MBP: variants seen among roughly 807,000 people sequenced by gnomAD.
The protein encoded by MBP is Golli-MBP.
MBP carries 16 observed loss-of-function variants against 35.8 expected under a neutral mutation model. The ratio of observed to expected loss-of-function variants is 0.45; its 90% CI spans 0.30 to 0.68. The LOEUF is 0.68. MBP is among the 30% of genes least tolerant of loss of function. The probability of loss-of-function intolerance (pLI) is 0.08; values close to 1 mark genes in which losing one functional copy is unlikely to be tolerated. For missense variants in MBP, 380 were observed against 404.7 expected, an observed-to-expected ratio of 0.94 and a Z score of 0.52; for synonymous variants, 143 against 159.6, an observed-to-expected ratio of 0.90 and a Z score of 0.78.
chr18:77,060,323 C>T (rs1017890103), intron 3 of MBP, among the ~76,000 whole-genome samples: 1 of 152,052 alleles, frequency 6.6e-6, no homozygotes, highest in South Asian at 2.1e-4. Flanking sequence ...TGACCCAGGT[C>T]CTCAGAGGCA....
chr18:76,990,331 G>A (rs1335368760), intron 4 of MBP, among the ~76,000 whole-genome samples: 1 of 152,054 alleles, frequency 6.6e-6, no homozygotes, highest in African/African-American at 2.4e-5. Context: ...AAGAGTTAGA[G>A]GGGTAGGAAG....
chr18:77,017,380 A>C, intron 3 of MBP, 112 bp from the exon 4 acceptor site: 1 of 995,934 alleles, frequency 1.0e-6, no homozygotes. Flanking sequence ...CCCACAGAAT[A>C]TGTGCAGTCC....
chr18:76,998,339 TTCCAC>T, intron 4 of MBP, among the ~76,000 whole-genome samples: 1 of 88 alleles, frequency 0.011, no homozygotes, highest in Non-Finnish European at 0.022. Flanking sequence ...CAGAATCCCC[TTCCAC>T]CTTCCACCGT....
chr18:77,058,315 A>G (rs1380544091), intron 3 of MBP, among the ~76,000 whole-genome samples: 2 of 152,176 alleles, frequency 1.3e-5, no homozygotes, highest in African/African-American at 4.8e-5. Context: ...TTCGACTCTC[A>G]GGACCCACCT....
At chr18:77,019,721 T>C (rs1203609759) in intron 3 of MBP, among the ~76,000 whole-genome samples, 1 of 151,944 alleles carries the variant, frequency 6.6e-6, no homozygotes, top group African/African-American at 2.4e-5. Context: ...AGCAGGAAGG[T>C]CCTTGCGGAA....
intron 2 of MBP, among the ~76,000 whole-genome samples, chr18:77,080,299 C>T (rs1316053427): frequency 6.6e-6 from 1 of 152,244 alleles, no homozygotes; most frequent in Non-Finnish European, 1.5e-5. Context: ...AGGCTCATTT[C>T]AAAGGCATCC....
rs150638800 is a variant in MBP, at chr18:77,017,165, G to T, written c.243C>A (p.His81Gln). The change falls in exon 4 of 9, where the codon CAC becomes CAA. Residue 81 changes from histidine to glutamine, a missense_variant. Transcript: ENST00000355994. ...GGGGGCGGCTCCCTGGGTCAGCTGG[G>T]TGGGCATCCTGCCAGGCATTCTTCG... ...ADPKNAWQDA[H>Q]PADPGSRPHL... The T allele has an allele frequency of 2.4e-5, 37 of 1,549,964 alleles. No individual in the cohort carries two copies. In the South Asian group the frequency reaches 3.9e-4, roughly 16 times the overall value.
chr18:77,111,683 C>T (rs1445931303), intron 1 of MBP, among the ~76,000 whole-genome samples: 2 of 152,228 alleles, frequency 1.3e-5, no homozygotes, highest in African/African-American at 4.8e-5. Context: ...CCGTTGGTAA[C>T]TGCTTGGGAG....
chr18:77,021,439 C>A (rs1214583864), intron 3 of MBP, among the ~76,000 whole-genome samples: 3 of 151,628 alleles, frequency 2.0e-5, no homozygotes, highest in South Asian at 2.1e-4. Flanking sequence ...GGTGGCTGAC[C>A]TTGGGCGATG....
At position 77,107,409 on chromosome 18, in the gene MBP, G is replaced by A. The variant is rs1000796505; in HGVS notation, c.-25-2123C>T. Among the ~76,000 whole-genome samples, 6 of 152,118 alleles carry A rather than the reference G, an allele frequency of 3.9e-5. No homozygotes were observed. The East Asian group carries it at 5.8e-4, about 15-fold the overall frequency. ...CCCTTCCTGTTCCCTGGCTCTATCC[G>A]TTTCTCACCCTCCTCCTCCCACCTC... On this transcript the variant is annotated intron_variant, in intron 1 of 8. Coordinates refer to ENST00000355994, the MANE Select transcript of MBP (RefSeq NM_001025101.2).
intron 4 of MBP, among the ~76,000 whole-genome samples, chr18:77,007,923 A>C (rs1971092310): frequency 6.6e-6 from 1 of 152,200 alleles, no homozygotes; most frequent in South Asian, 2.1e-4. Flanking sequence ...TTCCCTGCTA[A>C]ATAATTTTTT....
intron 3 of MBP, among the ~76,000 whole-genome samples, chr18:77,054,051 C>G (rs2144716302): frequency 6.6e-6 from 1 of 152,368 alleles, no homozygotes; most frequent in East Asian, 1.9e-4. Context: ...CGATGACTGC[C>G]CCTCGGCCTG....
intron 4 of MBP, chr18:77,003,602 TAAGA>T (rs1970752384): frequency 6.6e-6 from 1 of 152,234 alleles, no homozygotes; most frequent in South Asian, 2.1e-4. Context: ...GCTGCCATGA[TAAGA>T]AAGAACAGAG....
intron 3 of MBP, among the ~76,000 whole-genome samples, chr18:77,040,033 G>A (rs1972925640): frequency 6.6e-6 from 1 of 152,074 alleles, no homozygotes; most frequent in African/African-American, 2.4e-5. Context: ...GGACTTTATT[G>A]GTACAAAATC....
rs1375967 is a variant in MBP at position 77,131,414 on chromosome 18, C to T, written c.-26+1166G>A. On this transcript the variant is annotated intron_variant, in intron 1 of 8. Transcript: ENST00000355994. The surrounding 1 kb of genome is among the most constrained non-coding windows in gnomAD (Gnocchi z 5.5). ...AAACTCTCTTTCCAGGCGGGGCGTT[C>T]TGTGGTCAGACGAGGCAGAGGCCTC... 54,193 of 152,116 alleles carry T rather than the reference C, an allele frequency of 0.36. 10,499 individuals are homozygous for T. The highest frequency in any genetic ancestry group is 0.44 in the Non-Finnish European group (29,875 of 68,006). The allele number at this position is 152,116 out of a possible 1,614,324, so 9.4% of individuals were successfully genotyped here.
intron 4 of MBP, chr18:77,013,873 G>T (rs991438482): frequency 1.0e-6 from 1 of 985,404 alleles, no homozygotes; most frequent in Non-Finnish European, 1.2e-6. Context: ...AGGAAGGAAC[G>T]GTTTCCAAAG....
At chr18:77,130,845 C>T (rs1977219562) in intron 1 of MBP, among the ~76,000 whole-genome samples, 1 of 151,926 alleles carries the variant, frequency 6.6e-6, no homozygotes, top group Admixed American at 6.5e-5. Context: ...ACTTTCTTAT[C>T]TTTGGGCAGA....
intron 3 of MBP, among the ~76,000 whole-genome samples, chr18:77,055,690 A>C (rs1274225951): frequency 6.6e-6 from 1 of 151,758 alleles, no homozygotes; most frequent in East Asian, 1.9e-4. Context: ...TTATTGCTTT[A>C]AATAAGGTGG....
chr18:77,126,134 A>G (rs1977040760), intron 1 of MBP, among the ~76,000 whole-genome samples: 1 of 152,218 alleles, frequency 6.6e-6, no homozygotes, highest in African/African-American at 2.4e-5. Context: ...AGAACTATAG[A>G]TCAATATCTC....
Sources: gnomAD v4.1 joint callset for allele counts (sites outside exome capture counted in the v4.1 genomes callset) on GRCh38, gnomAD v4.1.1 for gene constraint, Gnocchi (gnomAD v3.1) non-coding constraint, MANE v1.5 for transcripts, NCBI Gene and HGNC (gene_info 2026-07-23, HGNC 2026-07-21) for gene names.